TRMO: variants seen among roughly 807,000 people sequenced by gnomAD.
The protein encoded by TRMO is tRNA (adenine(37)-N6)-methyltransferase.
Under a neutral mutation model 37.2 loss-of-function variants are expected in TRMO, and 30 were observed. The observed-to-expected ratio is 0.81, with a 90% CI of 0.60 to 1.09. TRMO has a LOEUF of 1.09. TRMO is among the 50% of genes least tolerant of loss of function. The probability of loss-of-function intolerance (pLI) is 0.00; values close to 1 mark genes in which losing one functional copy is unlikely to be tolerated. For missense variants in TRMO, 552 were observed against 549.5 expected, an observed-to-expected ratio of 1.00 and a Z score of -0.05; for synonymous variants, 239 against 199.4, an observed-to-expected ratio of 1.20 and a Z score of -1.67.
intron 3 of TRMO, chr9:97,912,023 A>G (rs1226589164): frequency 6.6e-6 from 1 of 152,236 alleles, no homozygotes; most frequent in Non-Finnish European, 1.5e-5. Flanking sequence ...AGCATAAGTA[A>G]GACTTCAAAG....
In TRMO at chr9:97,909,979, A is replaced by G. The variant is rs1435014088; in HGVS notation, c.1047T>C (p.Leu349=). 2 of 1,549,748 alleles carry G rather than the reference A, an allele frequency of 1.3e-6. No homozygotes were observed. The highest frequency in any genetic ancestry group is 1.7e-6 in the Non-Finnish European group (2 of 1,149,164). Residue 349 remains leucine, a synonymous_variant, in exon 4 of 5, where the codon CTT becomes CTC. Transcript: ENST00000375119. ...VRFTPHAEMD[L]GQLSSQDVGQ... ...AGATACCTTGTGAACTGAGCTGCCC[A>G]AGGTCCATCTCGGCATGAGGAGTAA...
At chr9:97,909,934 A>G in intron 4 of TRMO, 26 bp downstream of exon 4, 10 of 1,478,312 alleles carry the variant, frequency 6.8e-6, no homozygotes, top group Non-Finnish European at 9.1e-6. Context: ...TTCATCTCTC[A>G]TTCAGAATGA....
Position 97,922,363 on chromosome 9 carries a change from C to G in TRMO, c.76+55G>C, listed in dbSNP as rs3824496. 236 of 1,262,446 alleles carry G rather than the reference C, an allele frequency of 1.9e-4. 1 individual carries two copies. The African/African-American group carries it at 2.0e-3, about 10-fold the overall frequency. 78.2% of individuals were successfully genotyped at this position (1,262,446 alleles called of 1,614,324 possible). A position where few individuals can be genotyped will look rare whatever the true frequency, so the allele number is the denominator to read the frequency against. The stretch of plus-strand genomic sequence containing the variant: ...TTACACCCCTCTCGGCAACGAAGTC[C>G]GCTGCCTGGGCCTAAACCTCTCCAG... On this transcript the variant is annotated intron_variant, in intron 1 of 4. Transcript: ENST00000375119.
the TRMO span, among the ~76,000 whole-genome samples, chr9:97,899,244 C>A: frequency 6.6e-6 from 1 of 152,084 alleles, no homozygotes; most frequent in African/African-American, 2.4e-5. Context: ...GAGCTGGTGA[C>A]TGCCTGCCCG....
chr9:97,903,111 A>T (rs7044799), downstream of TRMO, among the ~76,000 whole-genome samples: 110,086 of 151,874 alleles, frequency 0.72, 41,274 homozygotes, highest in East Asian at 0.92. Context: ...CTACAAAAAA[A>T]TTTAAAAATA....
At chr9:97,900,387 C>T (rs1306034968), downstream of TRMO, among the ~76,000 whole-genome samples, 2 of 152,250 alleles carry the variant, frequency 1.3e-5, no homozygotes, top group South Asian at 2.1e-4. Context: ...CAGTGCTCTT[C>T]GTATTTCCCA....
At chr9:97,910,672 T>C in intron 3 of TRMO, 56 bp from the exon 4 acceptor site, 1 of 1,575,788 alleles carries the variant, frequency 6.3e-7, no homozygotes, top group Non-Finnish European at 8.6e-7. Context: ...GAGAATACAG[T>C]CACGCCCCAG....
At position 97,908,217 on chromosome 9, in the gene TRMO, C is replaced by G. The variant is rs918027115; in HGVS notation, c.1066+1743G>C. On this transcript the variant is annotated intron_variant, in intron 4 of 4. Coordinates refer to ENST00000375119, the MANE Select transcript of TRMO (RefSeq NM_016481.5). Reference sequence around the variant, plus strand: ...CACAAGGTCAGGAGATCGAGACCATCCTGCCTAACACGGTGAAACTCAGTC... The same window carrying G: ...CACAAGGTCAGGAGATCGAGACCATGCTGCCTAACACGGTGAAACTCAGTC... Among the ~76,000 whole-genome samples the G allele has an allele frequency of 2.0e-5, 3 of 152,098 alleles. No individual in the cohort carries two copies. The East Asian group carries it at 5.8e-4, about 29-fold the overall frequency.
chr9:97,922,440 G>T lies in TRMO; in HGVS notation c.54C>A (p.Cys18Ter). The change falls in exon 1 of 5, where the codon TGC (cysteine) becomes TGA (stop). Residue 18 changes from cysteine to a stop codon, truncating the protein, a stop_gained. Coordinates refer to ENST00000375119, the MANE Select transcript of TRMO (RefSeq NM_016481.5). LOFTEE classifies it high-confidence loss of function. ...TACCTGTCTCCAGAGCCGGCTTAACGCAGCCGCACGGGGTCGCTGTAGGCC... is the reference window on the plus strand; with the variant it reads ...TACCTGTCTCCAGAGCCGGCTTAACTCAGCCGCACGGGGTCGCTGTAGGCC... ...GPRPTATPCG[C>*]VKPALETGNL... is the part of the protein sequence containing the mutation. 6.3e-7 allele frequency: 1 copy of T among 1,586,438 alleles called. No homozygotes were observed. Among genetic ancestry groups the T allele is most frequent in the Admixed American group, 1.8e-5 (1 of 55,332 alleles).
rs754021759 is a variant in TRMO, at chr9:97,910,016, A to G, written c.1010T>C (p.Leu337Ser). 1.6e-5 allele frequency: 25 copies of G among 1,601,034 alleles called. No individual in the cohort carries two copies. The highest frequency in any genetic ancestry group is 1.8e-5 in the Non-Finnish European group (21 of 1,172,946). The change falls in exon 4 of 5, where the codon TTA becomes TCA. Residue 337 changes from leucine (L) to serine (S), a missense_variant. Leu to Ser is a moderately radical substitution (Grantham distance 145). Coordinates refer to ENST00000375119, the MANE Select transcript of TRMO (RefSeq NM_016481.5). ...AWVTEAPVAT[L>S]EVRFTPHAEM... is the part of the protein sequence containing the mutation. Reference sequence around the variant, plus strand: ...GGCATGAGGAGTAAACCGCACTTCTAAAGTGGCCACAGGAGCCTCTGTCAC... The same window carrying G: ...GGCATGAGGAGTAAACCGCACTTCTGAAGTGGCCACAGGAGCCTCTGTCAC...
chr9:97,906,408 C>A (rs1206150592), intron 4 of TRMO, among the ~76,000 whole-genome samples: 1 of 152,118 alleles, frequency 6.6e-6, no homozygotes, highest in Non-Finnish European at 1.5e-5. Context: ...CTCCCAGACA[C>A]AAGTCAGGAT....
chr9:97,898,689 G>A, the TRMO span, among the ~76,000 whole-genome samples: 1 of 151,696 alleles, frequency 6.6e-6, no homozygotes, highest in East Asian at 1.9e-4. Flanking sequence ...TGCCCCACCA[G>A]GAAACTTATT....
At chr9:97,914,852 T>C (rs3780419) in intron 2 of TRMO, among the ~76,000 whole-genome samples, 32,644 of 152,082 alleles carry the variant, frequency 0.21, 3,788 homozygotes, top group Non-Finnish European at 0.26. Flanking sequence ...ATCTACACCA[T>C]GCTGTTAACA....
intron 2 of TRMO, among the ~76,000 whole-genome samples, chr9:97,915,322 A>C (rs896334171): frequency 6.6e-6 from 1 of 152,224 alleles, no homozygotes; most frequent in African/African-American, 2.4e-5. Flanking sequence ...CTTTTTCTGT[A>C]AAAGGTCAGA....
downstream of TRMO, among the ~76,000 whole-genome samples, chr9:97,903,189 G>A (rs1259451309): frequency 6.6e-6 from 1 of 152,030 alleles, no homozygotes; most frequent in African/African-American, 2.4e-5. Context: ...GATCCCTTGA[G>A]CCTGGGAGGT....
chr9:97,904,604 C>G lies in TRMO; in HGVS notation c.*129G>C, dbSNP rs1825776409. Reference sequence around the variant, plus strand: ...ACGTTTTTCAAATAAACATTTTGAACAGCCCAAATCAATCAAAGCCATGAG... The same window carrying G: ...ACGTTTTTCAAATAAACATTTTGAAGAGCCCAAATCAATCAAAGCCATGAG... On this transcript the variant is annotated 3_prime_UTR_variant, in exon 5 of 5. Coordinates refer to ENST00000375119, the MANE Select transcript of TRMO (RefSeq NM_016481.5). 68 of 1,496,812 alleles carry G rather than the reference C, an allele frequency of 4.5e-5. No individual in the cohort carries two copies. In the South Asian group the frequency reaches 9.1e-4, roughly 20 times the overall value. The allele number at this position is 1,496,812 out of a possible 1,614,324, so 92.7% of individuals were successfully genotyped here. A position where few individuals can be genotyped will look rare whatever the true frequency, so the allele number is the denominator to read the frequency against.
chr9:97,911,922 T>G (rs1826143273), intron 3 of TRMO: 1 of 152,212 alleles, frequency 6.6e-6, no homozygotes, highest in Non-Finnish European at 1.5e-5. Flanking sequence ...CATGTTATTA[T>G]GAATGAGCTG....
chr9:97,901,634 A>T (rs193212828), downstream of TRMO, among the ~76,000 whole-genome samples: 979 of 152,256 alleles, frequency 6.4e-3, 11 homozygotes, highest in African/African-American at 0.022. Flanking sequence ...TGACAGTTTT[A>T]AAACCACTTG....
the TRMO span, among the ~76,000 whole-genome samples, chr9:97,898,039 T>C: frequency 2.6e-4 from 39 of 152,162 alleles, no homozygotes; most frequent in African/African-American, 9.2e-4. Context: ...TCCTACACTT[T>C]TTGTCAACAC....
Sources: gnomAD v4.1 joint callset for allele counts (sites outside exome capture counted in the v4.1 genomes callset) on GRCh38, gnomAD v4.1.1 for gene constraint, MANE v1.5 for transcripts, NCBI Gene and HGNC (gene_info 2026-07-23, HGNC 2026-07-21) for gene names.